TJP3: variants seen among roughly 807,000 people sequenced by gnomAD.
TJP3 encodes the protein tight junction protein 3, also known as tight junction protein ZO-3.
Under a neutral mutation model 104.2 loss-of-function variants are expected in TJP3, and 85 were observed. That is an observed-to-expected ratio of 0.82 (90% confidence interval 0.68 to 0.98). The LOEUF is 0.98. TJP3 is among the 50% of genes least tolerant of loss of function. The pLI, the probability that TJP3 is intolerant of heterozygous loss-of-function variation, is 0.00. For synonymous variants in TJP3, 550 were observed against 550.6 expected, an observed-to-expected ratio of 1.00 and a Z score of 0.02; for missense variants, 1,367 against 1,322.8, an observed-to-expected ratio of 1.03 and a Z score of -0.52.
chr19:3,738,901 C>G lies in TJP3; in HGVS notation c.1398C>G (p.Phe466Leu). The change falls in exon 13 of 21, where the codon TTC (phenylalanine) becomes TTG (leucine). Residue 466 changes from phenylalanine (F) to leucine (L), a missense_variant. Phe to Leu is a conservative substitution (Grantham distance 22, BLOSUM62 0). Coordinates refer to ENST00000541714, the MANE Select transcript of TJP3 (RefSeq NM_001267560.2). ...ELVTQRKQDI[F>L]WKMVQSRVGD... ...GTGGCCTCCCGCTCTCCCCAGTTTT[C>G]TGGAAAATGGTGCAGTCCCGCGTGG... is the stretch of plus-strand genomic sequence containing the variant. The G allele has an allele frequency of 6.3e-7, 1 of 1,586,348 alleles. No homozygotes were observed. Among genetic ancestry groups the G allele is most frequent in the Non-Finnish European group, 8.6e-7 (1 of 1,161,210 alleles).
chr19:3,750,235 C>T (rs769184956), intron 20 of TJP3, 51 bp downstream of exon 20: 41 of 1,611,078 alleles, frequency 2.5e-5, no homozygotes, highest in Non-Finnish European at 3.4e-5. Flanking sequence ...CCTTGGGACT[C>T]AGACTCTGCG....
intron 1 of TJP3, among the ~76,000 whole-genome samples, chr19:3,720,904 T>TTC (rs1555737405): frequency 2.5e-4 from 33 of 132,868 alleles, no homozygotes; most frequent in East Asian, 1.7e-3. Flanking sequence ...TCCTTTTCTT[T>TTC]TTTTTTTTTT....
At chr19:3,741,720 A>G (rs912781270) in intron 14 of TJP3, among the ~76,000 whole-genome samples, 3 of 150,292 alleles carry the variant, frequency 2.0e-5, no homozygotes, top group Non-Finnish European at 3.0e-5. Flanking sequence ...CGTAATCTCA[A>G]TGGTTTGGGA....
At position 3,733,730 on chromosome 19, in the gene TJP3, C is replaced by T. The variant is rs373041041; in HGVS notation, c.718-23C>T. The T allele has an allele frequency of 5.0e-6, 8 of 1,612,666 alleles. No individual in the cohort carries two copies. The African/African-American group carries it at 6.7e-5, about 13-fold the overall frequency. On this transcript the variant is annotated intron_variant, in intron 6 of 20. Coordinates refer to ENST00000541714, the MANE Select transcript of TJP3 (RefSeq NM_001267560.2). ...CATCTCTCATTAACTCACTTCCGCT[C>T]TTTCATTCCTGGTCCCTTTCAGATC...
chr19:3,744,213 T>G (rs770695784), intron 15 of TJP3, among the ~76,000 whole-genome samples, 179 bp downstream of exon 15: 1 of 152,208 alleles, frequency 6.6e-6, no homozygotes, highest in Admixed American at 6.6e-5. Context: ...TTTGTCTGGA[T>G]AGAACCTCCA....
intron 19 of TJP3, 137 bp from the exon 20 acceptor site, chr19:3,750,001 C>G: frequency 9.2e-7 from 1 of 1,086,572 alleles, no homozygotes; most frequent in East Asian, 2.4e-5. Context: ...TGGGGATGAC[C>G]TGCAGACTTG....
intron 15 of TJP3, 59 bp downstream of exon 15, chr19:3,744,093 T>G: frequency 6.6e-7 from 1 of 1,525,518 alleles, no homozygotes; most frequent in Non-Finnish European, 9.1e-7. Flanking sequence ...ACTGTTTTTT[T>G]GTGGGGGGTC....
At chr19:3,716,772 A>G (rs1239476129) in intron 1 of TJP3, among the ~76,000 whole-genome samples, 2 of 132,476 alleles carry the variant, frequency 1.5e-5, no homozygotes, top group African/African-American at 5.5e-5. Flanking sequence ...TACCACACCC[A>G]GCTCATACAT....
In TJP3 at chr19:3,738,668, G is replaced by A; in HGVS notation, c.1393+5G>A. The A allele has an allele frequency of 6.2e-7, 1 of 1,611,616 alleles. No individual in the cohort carries two copies. On this transcript the variant is annotated splice_donor_5th_base_variant and intron_variant, in intron 12 of 20. Transcript: ENST00000541714. ...TGACGCAGAGGAAGCAGGACAGTGAGTGCGCGTGGATATGGGTGTGCCTGT... is the reference window on the plus strand; with the variant it reads ...TGACGCAGAGGAAGCAGGACAGTGAATGCGCGTGGATATGGGTGTGCCTGT...
chr19:3,747,901 CGGCGAGGGCGGCGCGTACACGGAT>C lies in TJP3; in HGVS notation c.2440_2463del (p.Gly814_Gly821del), dbSNP rs1449589367. On this transcript the variant is annotated inframe_deletion, in exon 19 of 21. Transcript: ENST00000541714. ...GCGTTAACAGCGACTACGAGACGGA[CGGCGAGGGCGGCGCGTACACGGAT>C]GGCGAGGGCTACACAGACGGCGAGG... 10 of 1,613,080 alleles carry C rather than the reference CGGCGAGGGCGGCGCGTACACGGAT, an allele frequency of 6.2e-6. 1 individual carries two copies. In the African/African-American group the frequency reaches 6.7e-5, roughly 11 times the overall value.
chr19:3,713,203 A>G (rs2036448724), intron 1 of TJP3, among the ~76,000 whole-genome samples: 1 of 151,826 alleles, frequency 6.6e-6, no homozygotes. Flanking sequence ...GGTCGTTTGG[A>G]TCTTGGCAAC....
chr19:3,710,086 T>A (rs201711291), intron 1 of TJP3, among the ~76,000 whole-genome samples: 1 of 141,732 alleles, frequency 7.1e-6, no homozygotes, highest in East Asian at 2.2e-4. Context: ...GAGGTGGAGG[T>A]TGCAGTGAGC....
chr19:3,721,616 C>T (rs2036542506), intron 1 of TJP3: 1 of 286,746 alleles, frequency 3.5e-6, no homozygotes, highest in Non-Finnish European at 6.4e-6. Context: ...CTGGAGTTTC[C>T]GCCTCAGGAC....
chr19:3,737,915 T>C (rs977517469), intron 11 of TJP3, among the ~76,000 whole-genome samples: 1 of 152,058 alleles, frequency 6.6e-6, no homozygotes, highest in African/African-American at 2.4e-5. Context: ...TGGCTGTGTC[T>C]GTATATTGCT....
chr19:3,735,683 C>A (rs1489953953), intron 9 of TJP3, 44 bp downstream of exon 9: 1 of 1,611,196 alleles, frequency 6.2e-7, no homozygotes, highest in South Asian at 1.1e-5. Context: ...CATTTCTGAT[C>A]CCTGACAGCA....
intron 1 of TJP3, among the ~76,000 whole-genome samples, chr19:3,710,597 A>C (rs2036424774): frequency 6.6e-6 from 1 of 152,194 alleles, no homozygotes; most frequent in South Asian, 2.1e-4. Flanking sequence ...GCCAGGGGCC[A>C]GGGGAGCTGT....
intron 5 of TJP3, among the ~76,000 whole-genome samples, chr19:3,731,055 T>C (rs1487589832): frequency 6.6e-6 from 1 of 152,202 alleles, no homozygotes; most frequent in African/African-American, 2.4e-5. Context: ...ACTTTCTGCT[T>C]TTCTGTCCCT....
intron 13 of TJP3, among the ~76,000 whole-genome samples, chr19:3,739,665 A>C (rs939456674): frequency 2.0e-5 from 3 of 152,150 alleles, no homozygotes; most frequent in African/African-American, 7.2e-5. Flanking sequence ...ATCCTCTTAC[A>C]GTTCTGGAGA....
At position 3,730,578 on chromosome 19, in the gene TJP3, G is replaced by A. The variant is rs757517339; in HGVS notation, c.485G>A (p.Arg162His). The A allele has an allele frequency of 2.5e-5, 40 of 1,609,386 alleles. No homozygotes were observed. The highest frequency in any genetic ancestry group is 1.3e-4 in the South Asian group (12 of 91,044). ...CGGGGCCGGGCCGGCAGCCATGGGC[G>A]TAGGAGCCCAGGTGGTGGCTCTGAG... ...GRRGRAGSHGRRSPGGGSEAN... is the reference protein window; with the variant it reads ...GRRGRAGSHGHRSPGGGSEAN... The change falls in exon 5 of 21, where the codon CGT (arginine) becomes CAT (histidine). Residue 162 changes from arginine (R) to histidine (H), a missense_variant. Arg to His is a conservative substitution (Grantham distance 29, BLOSUM62 0). Coordinates refer to ENST00000541714, the MANE Select transcript of TJP3 (RefSeq NM_001267560.2). The surrounding 1 kb of genome is among the most constrained non-coding windows in gnomAD (Gnocchi z 7.3).
Sources: gnomAD v4.1 joint callset for allele counts (sites outside exome capture counted in the v4.1 genomes callset) on GRCh38, gnomAD v4.1.1 for gene constraint, Gnocchi (gnomAD v3.1) non-coding constraint, MANE v1.5 for transcripts, NCBI Gene and HGNC (gene_info 2026-07-23, HGNC 2026-07-21) for gene names.